UACA: variants seen among roughly 807,000 people sequenced by gnomAD.
UACA encodes uveal autoantigen with coiled-coil domains and ankyrin repeats.
A neutral mutation model predicts 160.5 loss-of-function variants in UACA; 112 were observed. The ratio of observed to expected loss-of-function variants is 0.70; its 90% CI spans 0.60 to 0.82. UACA has a LOEUF of 0.82. Among genes scored for constraint, UACA ranks in the 40% least tolerant of loss-of-function variants. The pLI is 0.00. For missense variants in UACA, 1,574 were observed against 1,614.6 expected, an observed-to-expected ratio of 0.97 and a Z score of 0.43; for synonymous variants, 557 against 568.4, an observed-to-expected ratio of 0.98 and a Z score of 0.29.
intron 16 of UACA, 145 bp downstream of exon 16, chr15:70,666,579 C>G: frequency 1.6e-6 from 1 of 626,950 alleles, no homozygotes; most frequent in South Asian, 3.8e-5. Flanking sequence ...CTTTTTTTTT[C>G]AATTCGGAAT....
chr15:70,699,603 C>T lies in UACA; in HGVS notation c.136G>A (p.Asp46Asn), dbSNP rs772108083. ...DRLMKAAERG[D>N]VEKVTSILAK... ...AGGATTGAGGTCACTTTTTCTACAT[C>T]CCCCCTTTCTGCTGCTTTCATCAAT... The change falls in exon 2 of 19, where the codon GAT becomes AAT. Residue 46 changes from aspartate to asparagine, a missense_variant. By Grantham distance (23) the Asp-to-Asn change is conservative. Transcript: ENST00000322954. 30 of 1,610,692 alleles carry T rather than the reference C, an allele frequency of 1.9e-5. No individual in the cohort carries two copies. The South Asian group carries it at 3.1e-4, about 17-fold the overall frequency.
upstream of UACA, among the ~76,000 whole-genome samples, chr15:70,765,269 G>A (rs1669572622): frequency 6.6e-6 from 1 of 151,948 alleles, no homozygotes; most frequent in Non-Finnish European, 1.5e-5. Context: ...GGGGATGTCG[G>A]GGGCTTCTGG....
chr15:70,707,254 A>G (rs1898547633), intron 1 of UACA, among the ~76,000 whole-genome samples: 1 of 152,188 alleles, frequency 6.6e-6, no homozygotes, highest in Non-Finnish European at 1.5e-5. Flanking sequence ...TTGGACCTTT[A>G]TCTTACATCA....
chr15:70,687,602 T>G lies in UACA; in HGVS notation c.540A>C (p.Pro180=), dbSNP rs781150235. Residue 180 remains proline (P), a synonymous_variant, in exon 7 of 19, where the codon CCA becomes CCC. Coordinates refer to ENST00000322954, the MANE Select transcript of UACA (RefSeq NM_018003.4). The part of the protein sequence containing the change: ...PLVLATQMSR[P]TICQLLIDRG... ...TATCTATCAGCAGTTGACATATTGTTGGCCTACTCATCTGAGTAGCCAGAA... is the reference window on the plus strand; with the variant it reads ...TATCTATCAGCAGTTGACATATTGTGGGCCTACTCATCTGAGTAGCCAGAA... 6.2e-7 allele frequency: 1 copy of G among 1,613,958 alleles called. No individual in the cohort carries two copies. The highest frequency in any genetic ancestry group is 2.2e-5 in the East Asian group (1 of 44,870).
At chr15:70,775,841 T>C in the UACA span, among the ~76,000 whole-genome samples, 1 of 152,222 alleles carries the variant, frequency 6.6e-6, no homozygotes, top group Non-Finnish European at 1.5e-5. Flanking sequence ...GATAAGTGAC[T>C]GAGTTTTGTG....
intron 1 of UACA, among the ~76,000 whole-genome samples, chr15:70,752,704 A>G (rs2030164000): frequency 6.6e-6 from 1 of 152,182 alleles, no homozygotes; most frequent in Non-Finnish European, 1.5e-5. Flanking sequence ...GGTAATATAA[A>G]AAACCTTGAC....
At chr15:70,747,312 TG>T (rs1163909014) in intron 1 of UACA, among the ~76,000 whole-genome samples, 4 of 150,572 alleles carry the variant, frequency 2.7e-5, no homozygotes, top group Non-Finnish European at 5.9e-5. Flanking sequence ...GGCGTTATCT[TG>T]GCTCACTACA....
At position 70,684,372 on chromosome 15, in the gene UACA, A is replaced by AT; in HGVS notation, c.676dup (p.Ile226AsnfsTer10). On this transcript the variant is annotated frameshift_variant, in exon 8 of 19. Coordinates refer to ENST00000322954, the MANE Select transcript of UACA (RefSeq NM_018003.4). LOFTEE classifies it high-confidence loss of function. ...ATGGCCAAGCGCATCCAGCAAGCTT[A>AT]TATCAGCACCATTTTTAATTAAGAC... 6.2e-7 allele frequency: 1 copy of AT among 1,613,866 alleles called. No individual in the cohort carries two copies. Among genetic ancestry groups the AT allele is most frequent in the Non-Finnish European group, 8.5e-7 (1 of 1,179,830 alleles).
chr15:70,693,845 T>C (rs575785320), intron 3 of UACA, among the ~76,000 whole-genome samples: 1 of 152,290 alleles, frequency 6.6e-6, no homozygotes, highest in Non-Finnish European at 1.5e-5. Flanking sequence ...TTTCTAAAAA[T>C]AAATATTCTT....
At chr15:70,760,214 C>CTT (rs1377424149) in intron 1 of UACA, among the ~76,000 whole-genome samples, 3 of 151,234 alleles carry the variant, frequency 2.0e-5, no homozygotes, top group Non-Finnish European at 4.4e-5. Context: ...TCTTATGTAT[C>CTT]AAAGACTTAA....
chr15:70,736,277 C>T (rs182312936), intron 1 of UACA, among the ~76,000 whole-genome samples: 9 of 152,132 alleles, frequency 5.9e-5, no homozygotes, highest in Admixed American at 3.9e-4. Flanking sequence ...GAATTTGGCA[C>T]GAGTAAGTAG....
chr15:70,682,753 T>C lies in UACA; in HGVS notation c.822+5A>G, dbSNP rs62016913. ...TAATTATTTAAAATTAAAATTAATA[T>C]CTACCTGTTGCAAAGATGGCCCTTT... On this transcript the variant is annotated splice_donor_5th_base_variant and intron_variant, in intron 9 of 18. Transcript: ENST00000322954. 58,754 of 1,541,272 alleles carry C rather than the reference T, an allele frequency of 0.038. 1,339 individuals carry two copies. Among genetic ancestry groups the C allele is most frequent in the Non-Finnish European group, 0.043 (48,549 of 1,140,658 alleles).
At chr15:70,711,481 G>A (rs1364955732) in intron 1 of UACA, among the ~76,000 whole-genome samples, 1 of 142,626 alleles carries the variant, frequency 7.0e-6, no homozygotes, top group Admixed American at 7.5e-5. Context: ...GACCAACATG[G>A]CAAAACCATC....
the UACA span, among the ~76,000 whole-genome samples, chr15:70,773,950 T>C: frequency 1.3e-5 from 2 of 152,190 alleles, no homozygotes; most frequent in Non-Finnish European, 2.9e-5. Context: ...ATCTAAGCCA[T>C]CAAATAGTAA....
intron 1 of UACA, among the ~76,000 whole-genome samples, chr15:70,759,264 T>A (rs575244219): frequency 1.3e-5 from 2 of 152,216 alleles, no homozygotes; most frequent in Non-Finnish European, 2.9e-5. Context: ...ACTATACATA[T>A]AACTGAACAC....
At chr15:70,759,333 C>T (rs1036836187) in intron 1 of UACA, among the ~76,000 whole-genome samples, 2 of 152,100 alleles carry the variant, frequency 1.3e-5, no homozygotes, top group Admixed American at 6.5e-5. Flanking sequence ...TTTAGAAATC[C>T]GAAGCTCCAA....
chr15:70,712,840 A>G (rs1898723750), intron 1 of UACA, among the ~76,000 whole-genome samples: 1 of 152,188 alleles, frequency 6.6e-6, no homozygotes, highest in African/African-American at 2.4e-5. Context: ...CTTCAATGTA[A>G]AAGTATCTTT....
At chr15:70,772,610 G>A in the UACA span, among the ~76,000 whole-genome samples, 9 of 151,954 alleles carry the variant, frequency 5.9e-5, no homozygotes, top group Non-Finnish European at 1.2e-4. Context: ...GGTCATATTG[G>A]TTTGAGTCAC....
Position 70,744,205 on chromosome 15 carries a change from C to G in UACA, c.78+19125G>C, listed in dbSNP as rs1408679225. 2.7e-5 allele frequency among the ~76,000 whole-genome samples: 4 copies of G among 147,204 alleles called. No individual in the cohort carries two copies. The South Asian group carries it at 8.6e-4, about 32-fold the overall frequency. On this transcript the variant is annotated intron_variant, in intron 1 of 18. Coordinates refer to ENST00000322954, the MANE Select transcript of UACA (RefSeq NM_018003.4). ...CGGAGTTTGCAGTGAGTTGAGATTACGCCACTGCATTCCAGCCTGGGCGAC... is the reference window on the plus strand; with the variant it reads ...CGGAGTTTGCAGTGAGTTGAGATTAGGCCACTGCATTCCAGCCTGGGCGAC...
Sources: allele counts gnomAD v4.1 joint callset (sites outside exome capture counted in the v4.1 genomes callset), GRCh38; gene constraint gnomAD v4.1.1; transcripts MANE v1.5; gene names NCBI Gene and HGNC (gene_info 2026-07-23, HGNC 2026-07-21).